Variants in ABHD12 observed in about 807,000 individuals in gnomAD.
ABHD12 encodes abhydrolase domain containing 12, lysophospholipase, also known as lysophosphatidylserine lipase ABHD12.
In ABHD12, 43 loss-of-function variants were observed where a neutral mutation model predicts 58.3. That is an observed-to-expected ratio of 0.74 (90% CI 0.58 to 0.95). The LOEUF (loss-of-function observed/expected upper bound fraction) is 0.95. Ranked by LOEUF, ABHD12 falls within the 40% of genes least tolerant of loss-of-function variation. The probability of loss-of-function intolerance (pLI) is 0.00; values close to 1 mark genes in which losing one functional copy is unlikely to be tolerated. For synonymous variants in ABHD12, 219 were observed against 211.2 expected (o/e 1.04, Z -0.32); for missense variants, 539 against 537.2 (o/e 1.00, Z -0.03).
At chr20:25,372,922 G>A (rs2089916375) in intron 1 of ABHD12, among the ~76,000 whole-genome samples, 2 of 152,220 alleles carry the variant, frequency 1.3e-5, no homozygotes. Context: ...ATCATGGTAA[G>A]TGCCCTATAC....
downstream of ABHD12, chr20:25,295,701 G>A: frequency 1.3e-6 from 2 of 1,585,124 alleles, no homozygotes; most frequent in South Asian, 2.2e-5. Flanking sequence ...GGCTAGGGGA[G>A]CAGCTGGGTG....
At chr20:25,370,969 G>C (rs1049874867) in intron 1 of ABHD12, among the ~76,000 whole-genome samples, 2 of 151,680 alleles carry the variant, frequency 1.3e-5, no homozygotes, top group Non-Finnish European at 2.9e-5. Context: ...ACAGGTGTGA[G>C]CCACACACCA....
At chr20:25,320,438 T>G (rs1395595279) in intron 3 of ABHD12, 120 bp from the exon 4 acceptor site, 3 of 1,371,796 alleles carry the variant, frequency 2.2e-6, no homozygotes, top group Non-Finnish European at 2.0e-6. Context: ...GCAGACCCCA[T>G]CTAACTACAG....
At position 25,319,936 on chromosome 20, in the gene ABHD12, C is replaced by T. The variant is rs111979033; in HGVS notation, c.542+263G>A. Among the ~76,000 whole-genome samples the T allele has an allele frequency of 8.8e-3, 1,337 of 152,352 alleles. 17 individuals are homozygous for T. Among genetic ancestry groups the T allele is most frequent in the African/African-American group, 0.03 (1,249 of 41,576 alleles). ...CACAGCTTCCCACACTTGGTCCCCA[C>T]GGAACACAGCCGTGCTGGCCTCAGC... On this transcript the variant is annotated intron_variant, in intron 4 of 12. Coordinates refer to ENST00000339157, the MANE Select transcript of ABHD12 (RefSeq NM_001042472.3).
chr20:25,371,005 G>A (rs941746418), intron 1 of ABHD12, among the ~76,000 whole-genome samples: 1 of 151,938 alleles, frequency 6.6e-6, no homozygotes, highest in African/African-American at 2.4e-5. Context: ...ATTTTTAATT[G>A]TTCTGCCTCT....
downstream of ABHD12, among the ~76,000 whole-genome samples, chr20:25,295,448 T>C (rs772680399): frequency 2.2e-4 from 34 of 152,276 alleles, no homozygotes; most frequent in Non-Finnish European, 3.8e-4. Flanking sequence ...ATGGGCCTGG[T>C]GCAGCCTGGC....
intron 1 of ABHD12, among the ~76,000 whole-genome samples, chr20:25,387,262 A>G (rs1056681499): frequency 6.6e-6 from 1 of 152,164 alleles, no homozygotes; most frequent in East Asian, 1.9e-4. Flanking sequence ...ATACAATGCA[A>G]TCAGAAAAGA....
chr20:25,298,410 C>T (rs1239406756), downstream of ABHD12, among the ~76,000 whole-genome samples: 1 of 152,034 alleles, frequency 6.6e-6, no homozygotes, highest in Non-Finnish European at 1.5e-5. Context: ...GCATTACAGG[C>T]GCCCACCACC....
intron 6 of ABHD12, among the ~76,000 whole-genome samples, chr20:25,314,502 A>G (rs1313648228): frequency 6.6e-6 from 1 of 151,874 alleles, no homozygotes; most frequent in Non-Finnish European, 1.5e-5. Context: ...ACACAGCGAT[A>G]CCCCATTTCT....
In ABHD12 at chr20:25,300,374, C is replaced by T. The variant is rs764885699; in HGVS notation, c.*471G>A. 13 of 1,073,546 alleles carry T rather than the reference C, an allele frequency of 1.2e-5. No homozygotes were observed. The highest frequency in any genetic ancestry group is 1.5e-5 in the Non-Finnish European group (13 of 881,772). 66.5% of individuals were successfully genotyped at this position (1,073,546 alleles called of 1,614,324 possible). On this transcript the variant is annotated 3_prime_UTR_variant, in exon 13 of 13. Transcript: ENST00000339157. ...GGCAGCTGAGAAAGGCAAGCAGGTA[C>T]ACAGGGCAGGAGGGGACGATGGAAC...
intron 1 of ABHD12, among the ~76,000 whole-genome samples, chr20:25,386,509 C>T (rs2090092989): frequency 1.3e-5 from 2 of 151,898 alleles, no homozygotes; most frequent in African/African-American, 4.8e-5. Flanking sequence ...ATCAGCCTGC[C>T]TCGGCCTCCC....
intron 1 of ABHD12, chr20:25,390,202 G>A (rs1228586897): frequency 3.8e-6 from 1 of 263,634 alleles, no homozygotes; most frequent in Non-Finnish European, 7.1e-6. Context: ...CCAGCGTAAG[G>A]GTCCCCCCGG....
chr20:25,316,983 T>G lies in ABHD12; in HGVS notation c.573+65A>C, dbSNP rs901151600. The G allele has an allele frequency of 2.1e-6, 3 of 1,418,376 alleles. No individual in the cohort carries two copies. The African/African-American group carries it at 4.2e-5, about 20-fold the overall frequency. 87.9% of individuals were successfully genotyped at this position (1,418,376 alleles called of 1,614,324 possible). On this transcript the variant is annotated intron_variant, in intron 5 of 12. Coordinates refer to ENST00000339157, the MANE Select transcript of ABHD12 (RefSeq NM_001042472.3). The stretch of plus-strand genomic sequence containing the variant: ...ACTCTCAAGCTGTGAGTCTGGTGAC[T>G]CCCTTCACTTCCTGCCCTGGAAAGA...
intron 1 of ABHD12, among the ~76,000 whole-genome samples, chr20:25,363,533 TATA>T (rs2089781049): frequency 6.6e-6 from 1 of 152,022 alleles, no homozygotes; most frequent in South Asian, 2.1e-4. Context: ...TACTTTTCAT[TATA>T]ATGTTGGTTG....
At position 25,302,451 on chromosome 20, in the gene ABHD12, G is replaced by T; in HGVS notation, c.1030-105C>A. 3 of 1,457,822 alleles carry T rather than the reference G, an allele frequency of 2.1e-6. No homozygotes were observed. In the South Asian group the frequency reaches 3.4e-5, roughly 17 times the overall value. 90.3% of individuals were successfully genotyped at this position (1,457,822 alleles called of 1,614,324 possible). A position where few individuals can be genotyped will look rare whatever the true frequency, so the allele number is the denominator to read the frequency against. ...CCCCTTCAATAGAAACCAGTCCAGA[G>T]TCCCACATACACTGCTTGTTGCCAC... is the stretch of plus-strand genomic sequence containing the variant. On this transcript the variant is annotated intron_variant, in intron 11 of 12. Coordinates refer to ENST00000339157, the MANE Select transcript of ABHD12 (RefSeq NM_001042472.3).
intron 1 of ABHD12, among the ~76,000 whole-genome samples, chr20:25,388,176 C>A (rs540732330): frequency 1.4e-4 from 21 of 151,804 alleles, no homozygotes; most frequent in African/African-American, 4.8e-4. Flanking sequence ...ATTGTCTTCT[C>A]TACTTCCACG....
chr20:25,322,381 A>ATTTT (rs199757666), intron 3 of ABHD12, among the ~76,000 whole-genome samples: 6 of 59,260 alleles, frequency 1.0e-4, no homozygotes, highest in South Asian at 5.8e-4. Context: ...ATATATATAT[A>ATTTT]TTTTTTTTTT....
chr20:25,364,462 G>A (rs1008376148), intron 1 of ABHD12, among the ~76,000 whole-genome samples: 1 of 152,148 alleles, frequency 6.6e-6, no homozygotes, highest in African/African-American at 2.4e-5. Context: ...GCAGAGGGGA[G>A]GGAAGGTGCC....
intron 1 of ABHD12, among the ~76,000 whole-genome samples, chr20:25,371,339 G>A (rs2089897631): frequency 6.6e-6 from 1 of 152,146 alleles, no homozygotes; most frequent in Non-Finnish European, 1.5e-5. Context: ...TTAGAACACT[G>A]TTTACAACCT....
Sources: allele counts gnomAD v4.1 joint callset (sites outside exome capture counted in the v4.1 genomes callset), GRCh38; gene constraint gnomAD v4.1.1; transcripts MANE v1.5; gene names NCBI Gene and HGNC (gene_info 2026-07-23, HGNC 2026-07-21).